TUSC3: variants seen among roughly 807,000 people sequenced by gnomAD.
TUSC3 encodes the protein dolichyl-diphosphooligosaccharide--protein glycosyltransferase subunit TUSC3.
TUSC3 carries 45 observed loss-of-function variants against 44.8 expected under a neutral mutation model. The observed-to-expected ratio is 1.00, with a 90% CI of 0.79 to 1.29. The LOEUF is 1.29. Among genes scored for constraint, TUSC3 ranks in the 50% most tolerant of loss-of-function variants. TUSC3 has a pLI of 0.00. For missense variants in TUSC3, 519 were observed against 437.9 expected (o/e 1.19, Z -1.65); for synonymous variants, 212 against 152.9 (o/e 1.39, Z -2.85).
chr8:15,564,478 C>T (rs1802592674), intron 1 of TUSC3, among the ~76,000 whole-genome samples: 1 of 151,992 alleles, frequency 6.6e-6, no homozygotes, highest in African/African-American at 2.4e-5. Context: ...TTTTAATACC[C>T]CCTTTTGTTT....
chr8:15,457,065 G>A (rs1243122304), intron 1 of TUSC3, among the ~76,000 whole-genome samples: 1 of 151,192 alleles, frequency 6.6e-6, no homozygotes, highest in African/African-American at 2.4e-5. Context: ...ACTATCGCAA[G>A]GATAAAAAAC....
chr8:15,652,558 A>G (rs1295503661), intron 3 of TUSC3, among the ~76,000 whole-genome samples: 1 of 152,192 alleles, frequency 6.6e-6, no homozygotes, highest in East Asian at 1.9e-4. Context: ...CAGCTTACAG[A>G]TTAGGGAGCT....
At chr8:15,784,236 A>G in the TUSC3 span, among the ~76,000 whole-genome samples, 23 of 152,196 alleles carry the variant, frequency 1.5e-4, no homozygotes, top group Admixed American at 1.5e-3. Context: ...ACTCTTGTAC[A>G]GTATCTGCTG....
intron 1 of TUSC3, among the ~76,000 whole-genome samples, chr8:15,433,389 T>C (rs1045765903): frequency 6.6e-6 from 1 of 152,190 alleles, no homozygotes; most frequent in Admixed American, 6.5e-5. Context: ...GTTTCAGATA[T>C]AACTTACATA....
At chr8:15,443,336 TTGTGTG>T (rs57905950) in intron 1 of TUSC3, among the ~76,000 whole-genome samples, 5,317 of 132,926 alleles carry the variant, frequency 0.04, 116 homozygotes, top group African/African-American at 0.067. Flanking sequence ...ACCCACCTAA[TTGTGTG>T]TGTGTGTGTG....
At chr8:15,499,365 T>A (rs1800925454) in intron 2 of TUSC3, among the ~76,000 whole-genome samples, 1 of 152,204 alleles carries the variant, frequency 6.6e-6, no homozygotes, top group South Asian at 2.1e-4. Context: ...GTTAACATCA[T>A]CAAATCAAAT....
chr8:15,814,250 G>C, the TUSC3 span, among the ~76,000 whole-genome samples: 1 of 151,984 alleles, frequency 6.6e-6, no homozygotes, highest in Non-Finnish European at 1.5e-5. Flanking sequence ...TGTGTGTGTG[G>C]TCTTCCTACT....
At chr8:15,544,900 G>A (rs548915065) in intron 1 of TUSC3, among the ~76,000 whole-genome samples, 2 of 151,908 alleles carry the variant, frequency 1.3e-5, no homozygotes, top group African/African-American at 4.8e-5. Flanking sequence ...CTGCTTGTCA[G>A]GAATGCCATA....
At chr8:15,594,153 T>G (rs1264529308) in intron 1 of TUSC3, among the ~76,000 whole-genome samples, 1 of 152,232 alleles carries the variant, frequency 6.6e-6, no homozygotes, top group Non-Finnish European at 1.5e-5. Flanking sequence ...ATTTTAAATT[T>G]GTCTTTTTTA....
At chr8:15,450,066 A>G (rs1246703275) in intron 1 of TUSC3, among the ~76,000 whole-genome samples, 2 of 152,106 alleles carry the variant, frequency 1.3e-5, no homozygotes, top group Non-Finnish European at 2.9e-5. Context: ...CTAACAATGC[A>G]TTTCTCAGAA....
rs374914837 is a variant in TUSC3, at chr8:15,642,514, A to G, written c.309-8183A>G. On this transcript the variant is annotated intron_variant, in intron 2 of 10. Coordinates refer to ENST00000503731, the MANE Select transcript of TUSC3 (RefSeq NM_006765.4). ...AGACATAATCTCCATCTCTTGGGAC[A>G]CAGTTTCTGTAATCTTGTGTCTACC... is the stretch of plus-strand genomic sequence containing the variant. Among the ~76,000 whole-genome samples, 422 of 152,288 alleles carry G rather than the reference A, an allele frequency of 2.8e-3. 5 individuals are homozygous for G. The highest frequency in any genetic ancestry group is 9.8e-3 in the African/African-American group (408 of 41,572).
the TUSC3 span, among the ~76,000 whole-genome samples, chr8:15,825,887 T>C: frequency 2.7e-5 from 1 of 37,110 alleles, no homozygotes; most frequent in African/African-American, 2.5e-4. Context: ...AGTTGTTTCT[T>C]TTTTTTTTTT....
At chr8:15,648,771 A>C (rs184876536) in intron 2 of TUSC3, among the ~76,000 whole-genome samples, 1 of 141,254 alleles carries the variant, frequency 7.1e-6, no homozygotes, top group Admixed American at 7.4e-5. Flanking sequence ...TCTCCTGTTG[A>C]ACAAAGCATC....
chr8:15,623,001 A>T, intron 1 of TUSC3, 79 bp from the exon 2 acceptor site: 1 of 1,410,038 alleles, frequency 7.1e-7, no homozygotes, highest in South Asian at 1.3e-5. Context: ...AGAAAATAAA[A>T]CATTTTATGC....
intron 1 of TUSC3, among the ~76,000 whole-genome samples, chr8:15,568,259 T>G (rs1802748454): frequency 6.6e-6 from 1 of 152,166 alleles, no homozygotes; most frequent in African/African-American, 2.4e-5. Flanking sequence ...AGGCATTCAT[T>G]TATTCCATAA....
At chr8:15,684,665 C>G (rs1354220815) in intron 6 of TUSC3, among the ~76,000 whole-genome samples, 1 of 152,146 alleles carries the variant, frequency 6.6e-6, no homozygotes, top group Non-Finnish European at 1.5e-5. Flanking sequence ...CACATGAGCC[C>G]ATGCCACAGT....
the TUSC3 span, among the ~76,000 whole-genome samples, chr8:15,784,839 C>T: frequency 6.6e-6 from 1 of 152,024 alleles, no homozygotes; most frequent in African/African-American, 2.4e-5. Context: ...ACCTATTGCA[C>T]AGCAACTACA....
intron 2 of TUSC3, among the ~76,000 whole-genome samples, chr8:15,491,040 T>C (rs1319953132): frequency 1.3e-5 from 2 of 152,226 alleles, no homozygotes; most frequent in African/African-American, 2.4e-5. Flanking sequence ...TGATCAGCGT[T>C]CACTGAACAC....
At chr8:15,586,873 C>T (rs1264916730) in intron 1 of TUSC3, among the ~76,000 whole-genome samples, 1 of 152,034 alleles carries the variant, frequency 6.6e-6, no homozygotes, top group Non-Finnish European at 1.5e-5. Context: ...TGGGAACTTC[C>T]TGGAATTAAA....
Sources: allele counts gnomAD v4.1 joint callset (sites outside exome capture counted in the v4.1 genomes callset), GRCh38; gene constraint gnomAD v4.1.1; transcripts MANE v1.5; gene names NCBI Gene and HGNC (gene_info 2026-07-23, HGNC 2026-07-21).